Variants in SHROOM2 observed in about 807,000 individuals in gnomAD.
SHROOM2 encodes protein Shroom2.
A neutral mutation model predicts 75.9 loss-of-function variants in SHROOM2; 33 were observed. The observed-to-expected ratio is 0.43, with a 90% CI of 0.33 to 0.58. SHROOM2 has a LOEUF of 0.58. SHROOM2 is among the 20% of genes least tolerant of loss of function. The pLI is 0.04. For synonymous variants in SHROOM2, 655 were observed against 663.6 expected, an observed-to-expected ratio of 0.99 and a Z score of 0.20; for missense variants, 1,434 against 1,461.2, an observed-to-expected ratio of 0.98 and a Z score of 0.30.
intron 5 of SHROOM2, among the ~76,000 whole-genome samples, chrX:9,923,067 G>A (rs976278025): frequency 2.7e-5 from 3 of 112,025 alleles, no homozygotes; most frequent in South Asian, 3.8e-4. Context: ...AACACTAAGG[G>A]AGAGGGGATG....
intron 2 of SHROOM2, among the ~76,000 whole-genome samples, chrX:9,882,524 G>T (rs2084237741): frequency 9.0e-6 from 1 of 111,346 alleles, no homozygotes; most frequent in Non-Finnish European, 1.9e-5. Flanking sequence ...CAACAGTAAT[G>T]GGTTTATAGA....
intron 8 of SHROOM2, among the ~76,000 whole-genome samples, chrX:9,940,477 C>T (rs1266552554): frequency 8.9e-6 from 1 of 111,901 alleles, no homozygotes. Flanking sequence ...AGTGTGGCTC[C>T]GGAACTGAGT....
intron 1 of SHROOM2, among the ~76,000 whole-genome samples, chrX:9,792,034 TA>T (rs2083655735): frequency 2.8e-4 from 1 of 3,541 alleles, no homozygotes; most frequent in Non-Finnish European, 6.3e-4. Context: ...TAGAATAGAA[TA>T]GAATAGAATA....
chrX:9,926,561 C>T (rs908510845), intron 5 of SHROOM2, among the ~76,000 whole-genome samples: 4 of 111,198 alleles, frequency 3.6e-5, no homozygotes, highest in African/African-American at 1.3e-4. Context: ...GTATATCGTG[C>T]TTTTCACTGT....
intron 5 of SHROOM2, among the ~76,000 whole-genome samples, chrX:9,899,424 C>T (rs146873370): frequency 2.7e-3 from 306 of 111,419 alleles, no homozygotes; most frequent in Non-Finnish European, 4.9e-3. Flanking sequence ...TTTTCTGTCG[C>T]CTTGAGAATG....
intron 5 of SHROOM2, among the ~76,000 whole-genome samples, chrX:9,928,496 C>G (rs894984807): frequency 8.9e-6 from 1 of 112,335 alleles, no homozygotes; most frequent in Non-Finnish European, 1.9e-5. Flanking sequence ...TTTATTTTAT[C>G]CTTAGAAGTA....
chrX:9,825,927 A>G (rs2083885210), intron 1 of SHROOM2, among the ~76,000 whole-genome samples: 1 of 112,301 alleles, frequency 8.9e-6, no homozygotes, highest in Non-Finnish European at 1.9e-5. Flanking sequence ...GGCACCCAAC[A>G]CGACACACAA....
At chrX:9,867,072 T>C (rs12012473) in intron 1 of SHROOM2, among the ~76,000 whole-genome samples, 25,348 of 110,494 alleles carry the variant, frequency 0.23, 2,778 homozygotes, top group African/African-American at 0.42. Context: ...CCCTTGCCCT[T>C]ATGGGACTTC....
chrX:9,925,464 G>GGAGT (rs776654761), intron 5 of SHROOM2, among the ~76,000 whole-genome samples: 1 of 112,721 alleles, frequency 8.9e-6, no homozygotes, highest in East Asian at 2.8e-4. Context: ...AACCAATGGA[G>GGAGT]GAGTGCTTTC....
chrX:9,926,483 G>A (rs140565685), intron 5 of SHROOM2, among the ~76,000 whole-genome samples: 220 of 111,559 alleles, frequency 2.0e-3, no homozygotes, highest in African/African-American at 6.9e-3. Flanking sequence ...CAGCTGAGGC[G>A]GGTGTTCTGG....
intron 5 of SHROOM2, among the ~76,000 whole-genome samples, chrX:9,921,284 A>G (rs1202485432): frequency 1.8e-5 from 2 of 112,123 alleles, no homozygotes; most frequent in Non-Finnish European, 3.8e-5. Context: ...TCTGCCATAC[A>G]TTTTTAAACC....
rs771216165 is a variant in SHROOM2 at position 9,895,977 on chromosome X, G to A, written c.2069G>A (p.Arg690Gln). ...YKDHLKEAQA[R>Q]VLRATSFKRR... ...GACCACCTGAAAGAGGCCCAAGCCC[G>A]GGTCCTGAGGGCCACGTCCTTCAAG... is the stretch of plus-strand genomic sequence containing the variant. The change falls in exon 4 of 10, where the codon CGG becomes CAG. Residue 690 changes from arginine (R) to glutamine (Q), a missense_variant. This residue lies in a region of SHROOM2 where 1,340 missense variants were observed against 1,338.3 expected (regional missense o/e 1.00). Transcript: ENST00000380913. The A allele has an allele frequency of 1.6e-5, 19 of 1,201,432 alleles. No homozygotes were observed. In the Admixed American group the frequency reaches 2.0e-4, roughly 13 times the overall value.
At chrX:9,823,246 T>C (rs1359927802) in intron 1 of SHROOM2, among the ~76,000 whole-genome samples, 2 of 105,389 alleles carry the variant, frequency 1.9e-5, no homozygotes, top group Non-Finnish European at 3.9e-5. Flanking sequence ...CTTCTCTTCT[T>C]CTTCTTCATA....
At chrX:9,859,749 G>T (rs375602033) in intron 1 of SHROOM2, among the ~76,000 whole-genome samples, 3 of 111,705 alleles carry the variant, frequency 2.7e-5, no homozygotes, top group Non-Finnish European at 5.6e-5. Flanking sequence ...GCAGGGTGGG[G>T]ATGGTGTCCA....
intron 9 of SHROOM2, among the ~76,000 whole-genome samples, chrX:9,945,658 T>C (rs1274405864): frequency 1.8e-5 from 2 of 111,842 alleles, no homozygotes; most frequent in Admixed American, 9.5e-5. Flanking sequence ...TCGTAAGTAC[T>C]CAATGATAGC....
chrX:9,838,064 T>G (rs1168372588), intron 1 of SHROOM2, among the ~76,000 whole-genome samples: 1 of 97,382 alleles, frequency 1.0e-5, no homozygotes, highest in East Asian at 3.3e-4. Flanking sequence ...GTGGTTTTTT[T>G]TTTTTTTTTT....
rs371517726 is a variant in SHROOM2, at chrX:9,792,136, G to C, written c.165+5426G>C. ...GAATAGAATAGAATAGAATAGAATA[G>C]AATAGAATAGAATAGAATAGAATAA... On this transcript the variant is annotated intron_variant, in intron 1 of 9. Transcript: ENST00000380913. Among the ~76,000 whole-genome samples, 88 of 24,598 alleles carry C rather than the reference G, an allele frequency of 3.6e-3. 9 individuals are homozygous for C. The highest frequency in any genetic ancestry group is 5.7e-3 in the African/African-American group (55 of 9,720). 21.4% of individuals were successfully genotyped at this position (24,598 alleles called of 115,157 possible).
At chrX:9,898,504 G>A (rs189285196) in intron 5 of SHROOM2, among the ~76,000 whole-genome samples, 4 of 112,662 alleles carry the variant, frequency 3.6e-5, no homozygotes, top group Non-Finnish European at 7.5e-5. Context: ...ATCCCAGGGC[G>A]GGGAGGCCTT....
chrX:9,887,236 T>C (rs1470170341), intron 2 of SHROOM2, among the ~76,000 whole-genome samples: 4 of 112,924 alleles, frequency 3.5e-5, no homozygotes, highest in Non-Finnish European at 7.5e-5. Context: ...GGCTAATTTC[T>C]CTTCATACTT....
Sources: allele counts gnomAD v4.1 joint callset (sites outside exome capture counted in the v4.1 genomes callset), GRCh38; gene constraint gnomAD v4.1.1; regional missense constraint gnomAD v4.1.1; transcripts MANE v1.5; gene names NCBI Gene and HGNC (gene_info 2026-07-23, HGNC 2026-07-21).